The following VGLL2 variants were observed in gnomAD, a reference collection of about 807,000 sequenced individuals.
The protein encoded by VGLL2 is transcription cofactor vestigial-like protein 2.
A neutral mutation model predicts 27.0 loss-of-function variants in VGLL2; 18 were observed. The observed-to-expected ratio is 0.67, with a 90% CI of 0.46 to 0.99. VGLL2 has a LOEUF of 0.99. Among genes scored for constraint, VGLL2 ranks in the 50% least tolerant of loss-of-function variants. VGLL2 has a pLI of 0.00. For missense variants in VGLL2, 491 were observed against 452.3 expected (o/e 1.09, Z -0.78); for synonymous variants, 220 against 201.1 (o/e 1.09, Z -0.80).
In VGLL2 at chr6:117,268,288, T is replaced by C; in HGVS notation, c.188T>C (p.Ile63Thr). 6.2e-7 allele frequency: 1 copy of C among 1,614,038 alleles called. No homozygotes were observed. Among genetic ancestry groups the C allele is most frequent in the Non-Finnish European group, 8.5e-7 (1 of 1,180,016 alleles). The change falls in exon 2 of 4, where the codon ATA becomes ACA. Residue 63 changes from isoleucine (I) to threonine (T), a missense_variant. Transcript: ENST00000326274. ...SSFSSQTPAS[I>T]KEEEGSPEKE... ...TTTTCCAGCCAAACCCCAGCCAGTA[T>C]AAAAGAGGAAGAAGGCAGCCCAGAG...
chr6:117,272,312 T>G, intron 3 of VGLL2, 142 bp from the exon 4 acceptor site: 1 of 1,513,380 alleles, frequency 6.6e-7, no homozygotes, highest in Admixed American at 2.0e-5. Flanking sequence ...TTTTCAGGTT[T>G]GCAGCCTCAG....
At chr6:117,269,364 G>C (rs1379240164) in intron 2 of VGLL2, among the ~76,000 whole-genome samples, 1 of 152,126 alleles carries the variant, frequency 6.6e-6, no homozygotes, top group African/African-American at 2.4e-5. Flanking sequence ...AGCTGAGAAA[G>C]GGGGACTTTG....
intron 2 of VGLL2, 90 bp from the exon 3 acceptor site, chr6:117,270,453 G>GGCGGGACGT (rs1194537012): frequency 7.0e-7 from 1 of 1,427,186 alleles, no homozygotes. Context: ...TCGTCTCTCG[G>GGCGGGACGT]GCGGGACGTG....
rs556207679 is a variant in VGLL2 at position 117,273,427 on chromosome 6, A to G, written c.*933A>G. 2.4e-4 allele frequency: 36 copies of G among 152,188 alleles called. 1 individual carries two copies. The highest frequency in any genetic ancestry group is 2.1e-3 in the Admixed American group (32 of 15,284). The allele number at this position is 152,188 out of a possible 1,614,324, so 9.4% of individuals were successfully genotyped here. On this transcript the variant is annotated 3_prime_UTR_variant, in exon 4 of 4. Coordinates refer to ENST00000326274, the MANE Select transcript of VGLL2 (RefSeq NM_182645.3). ...AAGAAATGTACATGAAGTCTCCATT[A>G]CCTCGAATTTTTTTCTCAGTCTCAC...
intron 2 of VGLL2, among the ~76,000 whole-genome samples, chr6:117,269,521 C>T (rs1217389089): frequency 6.6e-6 from 1 of 152,132 alleles, no homozygotes; most frequent in Non-Finnish European, 1.5e-5. Flanking sequence ...AAATACAGAA[C>T]ATTCTTTTTA....
chr6:117,270,365 GAAAAAC>G (rs1773157952), intron 2 of VGLL2, among the ~76,000 whole-genome samples, 172 bp from the exon 3 acceptor site: 1 of 152,038 alleles, frequency 6.6e-6, no homozygotes, highest in East Asian at 1.9e-4. Context: ...AGCCCCCTTA[GAAAAAC>G]GCCGCTGCAG....
intron 2 of VGLL2, among the ~76,000 whole-genome samples, 157 bp from the exon 3 acceptor site, chr6:117,270,386 G>T (rs961666435): frequency 2.0e-5 from 3 of 151,984 alleles, no homozygotes; most frequent in African/African-American, 7.2e-5. Context: ...CTGCAGAGGC[G>T]GGGGCTGCCC....
At chr6:117,271,158 C>A in intron 3 of VGLL2, 94 bp downstream of exon 3, 1 of 1,090,670 alleles carries the variant, frequency 9.2e-7, no homozygotes, top group Non-Finnish European at 1.2e-6. Flanking sequence ...CCTTGGAGAC[C>A]TTGAATTCTG....
intron 1 of VGLL2, among the ~76,000 whole-genome samples, chr6:117,267,193 T>C (rs1215754873): frequency 6.6e-6 from 1 of 152,156 alleles, no homozygotes; most frequent in Non-Finnish European, 1.5e-5. Context: ...TGCATGAAGA[T>C]CTCTGTTCAT....
In VGLL2 at chr6:117,270,745, C is replaced by G. The variant is rs752956500; in HGVS notation, c.594C>G (p.His198Gln). 1.7e-5 allele frequency: 25 copies of G among 1,512,286 alleles called. No individual in the cohort carries two copies. The highest frequency in any genetic ancestry group is 1.9e-5 in the Non-Finnish European group (22 of 1,140,292). The allele number at this position is 1,512,286 out of a possible 1,614,324, so 93.7% of individuals were successfully genotyped here. ...QGATEPWHHA[H>Q]PHHAHPHHPY... Reference sequence around the variant, plus strand: ...CCACGGAGCCCTGGCACCACGCGCACCCGCACCACGCGCACCCGCATCACC... The same window carrying G: ...CCACGGAGCCCTGGCACCACGCGCAGCCGCACCACGCGCACCCGCATCACC... The change falls in exon 3 of 4, where the codon CAC (histidine) becomes CAG (glutamine). Residue 198 changes from histidine to glutamine, a missense_variant. His to Gln is a conservative substitution (Grantham distance 24). Coordinates refer to ENST00000326274, the MANE Select transcript of VGLL2 (RefSeq NM_182645.3).
Position 117,270,526 on chromosome 6 carries a change from C to T in VGLL2, c.392-17C>T, listed in dbSNP as rs575070167. 60 of 1,576,156 alleles carry T rather than the reference C, an allele frequency of 3.8e-5. 1 individual carries two copies. In the South Asian group the frequency reaches 6.2e-4, roughly 16 times the overall value. On this transcript the variant is annotated splice_polypyrimidine_tract_variant and intron_variant, in intron 2 of 3. Coordinates refer to ENST00000326274, the MANE Select transcript of VGLL2 (RefSeq NM_182645.3). ...TCTTTTCCTTTCCTCCACTCCGCCTCCCCGGCCGGCCTACAGACTGCTCCT... is the reference window on the plus strand; with the variant it reads ...TCTTTTCCTTTCCTCCACTCCGCCTTCCCGGCCGGCCTACAGACTGCTCCT...
Position 117,273,335 on chromosome 6 carries a change from G to A in VGLL2, c.*841G>A, listed in dbSNP as rs1773242701. 6.6e-6 allele frequency: 1 copy of A among 152,168 alleles called. No homozygotes were observed. The highest frequency in any genetic ancestry group is 2.1e-4 in the South Asian group (1 of 4,832). The allele number at this position is 152,168 out of a possible 1,614,324, so 9.4% of individuals were successfully genotyped here. A position where few individuals can be genotyped will look rare whatever the true frequency, so the allele number is the denominator to read the frequency against. On this transcript the variant is annotated 3_prime_UTR_variant, in exon 4 of 4. Coordinates refer to ENST00000326274, the MANE Select transcript of VGLL2 (RefSeq NM_182645.3). ...CACGAATTCTGTCCCTGTATCCTCT[G>A]GATGTAAAAAGCAAGGAGAGACCCC...
chr6:117,269,486 A>T (rs978458730), intron 2 of VGLL2, among the ~76,000 whole-genome samples: 1 of 152,212 alleles, frequency 6.6e-6, no homozygotes, highest in Non-Finnish European at 1.5e-5. Context: ...TTGCCCTTAG[A>T]CAAGATCCAA....
rs1282949777 is a variant in VGLL2, at chr6:117,270,850, G to A, written c.699G>A (p.Pro233=). 2.1e-6 allele frequency: 3 copies of A among 1,414,064 alleles called. No homozygotes were observed. The highest frequency in any genetic ancestry group is 3.2e-5 in the East Asian group (1 of 30,804). The allele number at this position is 1,414,064 out of a possible 1,614,324, so 87.6% of individuals were successfully genotyped here. Residue 233 remains proline, a synonymous_variant, in exon 3 of 4, where the codon CCG becomes CCA. Coordinates refer to ENST00000326274, the MANE Select transcript of VGLL2 (RefSeq NM_182645.3). Reference sequence around the variant, plus strand: ...CCGCCGTGCACGAAGTCTACGCGCCGCACTTCGACCCGCGCTATGGGCCGC... The same window carrying A: ...CCGCCGTGCACGAAGTCTACGCGCCACACTTCGACCCGCGCTATGGGCCGC... ...RPAAVHEVYA[P]HFDPRYGPLL...
Position 117,270,606 on chromosome 6 carries a change from C to A in VGLL2, c.455C>A (p.Ala152Glu), listed in dbSNP as rs564545416. 6.3e-7 allele frequency: 1 copy of A among 1,575,304 alleles called. No individual in the cohort carries two copies. Among genetic ancestry groups the A allele is most frequent in the Admixed American group, 1.8e-5 (1 of 56,956 alleles). The part of the protein sequence containing the change: ...PASFWNSAYQ[A>E]PVPPPLGSPL... ...TCCTTCTGGAATAGCGCGTACCAGG[C>A]GCCAGTGCCCCCGCCGCTGGGCAGC... The change falls in exon 3 of 4, where the codon GCG becomes GAG. Residue 152 changes from alanine to glutamate, a missense_variant. Coordinates refer to ENST00000326274, the MANE Select transcript of VGLL2 (RefSeq NM_182645.3).
Position 117,271,039 on chromosome 6 carries a change from G to C in VGLL2, c.888G>C (p.Gln296His). The change falls in exon 3 of 4, where the codon CAG becomes CAC. Residue 296 changes from glutamine to histidine, a missense_variant. Coordinates refer to ENST00000326274, the MANE Select transcript of VGLL2 (RefSeq NM_182645.3). ...PFASPSGDVA[Q>H]GLGLSVDSAR... ...CGAGCCCCTCGGGGGACGTGGCCCA[G>C]GGTCTGGGCCTCAGCGTGGACTCAG... 1 of 1,231,732 alleles carries C rather than the reference G, an allele frequency of 8.1e-7. No individual in the cohort carries two copies. Among genetic ancestry groups the C allele is most frequent in the Non-Finnish European group, 1.0e-6 (1 of 989,634 alleles). The allele number at this position is 1,231,732 out of a possible 1,614,324, so 76.3% of individuals were successfully genotyped here.
At position 117,270,744 on chromosome 6, in the gene VGLL2, AC is replaced by A; in HGVS notation, c.596del (p.Pro199ArgfsTer45). The stretch of plus-strand genomic sequence containing the variant: ...GCCACGGAGCCCTGGCACCACGCGC[AC>A]CCGCACCACGCGCACCCGCATCACC... ...QGATEPWHHA[H>X]PHHAHPHHPY... is the part of the protein sequence containing the mutation. On this transcript the variant is annotated frameshift_variant, in exon 3 of 4. Transcript: ENST00000326274. 6.6e-7 allele frequency: 1 copy of A among 1,511,302 alleles called. No individual in the cohort carries two copies. Among genetic ancestry groups the A allele is most frequent in the East Asian group, 2.7e-5 (1 of 36,878 alleles). 93.6% of individuals were successfully genotyped at this position (1,511,302 alleles called of 1,614,324 possible). A position where few individuals can be genotyped will look rare whatever the true frequency, so the allele number is the denominator to read the frequency against.
chr6:117,267,337 C>T (rs1317265863), intron 1 of VGLL2, among the ~76,000 whole-genome samples: 2 of 152,138 alleles, frequency 1.3e-5, no homozygotes, highest in Non-Finnish European at 2.9e-5. Context: ...CACTATGAGA[C>T]ATGCCGATTT....
At chr6:117,272,225 TCTC>T (rs1418696252) in intron 3 of VGLL2, 1 of 810,296 alleles carries the variant, frequency 1.2e-6, no homozygotes, top group East Asian at 1.3e-4. Context: ...TCCTTCTCCT[TCTC>T]CTTCTTCTTC....
Sources: allele counts gnomAD v4.1 joint callset (sites outside exome capture counted in the v4.1 genomes callset), GRCh38; gene constraint gnomAD v4.1.1; transcripts MANE v1.5; gene names NCBI Gene and HGNC (gene_info 2026-07-23, HGNC 2026-07-21).